The following PAQR5 variants were observed in gnomAD, a reference collection of about 807,000 sequenced individuals.
The protein encoded by PAQR5 is progestin and adipoQ receptor family member 5.
Under a neutral mutation model 34.5 loss-of-function variants are expected in PAQR5, and 20 were observed. The ratio of observed to expected loss-of-function variants is 0.58; its 90% confidence interval spans 0.41 to 0.84. The LOEUF (loss-of-function observed/expected upper bound fraction) is 0.84, where lower values mean the gene tolerates loss of function less well. PAQR5 is among the 40% of genes least tolerant of loss of function. PAQR5 has a pLI of 0.00. For missense variants in PAQR5, 378 were observed against 412.7 expected (o/e 0.92, Z 0.73); for synonymous variants, 131 against 155.6 (o/e 0.84, Z 1.18).
In PAQR5 at chr15:69,404,675, A is replaced by G; in HGVS notation, c.*853A>G. 1 of 339,776 alleles carries G rather than the reference A, an allele frequency of 2.9e-6. No homozygotes were observed. Among genetic ancestry groups the G allele is most frequent in the Non-Finnish European group, 5.3e-6 (1 of 189,622 alleles). The allele number at this position is 339,776 out of a possible 1,614,324, so 21.0% of individuals were successfully genotyped here. ...GGAAATTGCTATATTTGGGGATGTC[A>G]TACATTTGATATTGCTTCAGCATTT... On this transcript the variant is annotated 3_prime_UTR_variant, in exon 9 of 9. Transcript: ENST00000395407.
chr15:69,363,597 A>G (rs1595896515), intron 3 of PAQR5, among the ~76,000 whole-genome samples: 1 of 120,860 alleles, frequency 8.3e-6, no homozygotes, highest in African/African-American at 3.0e-5. Flanking sequence ...CCCAGGCTGG[A>G]GTGCAGTGGC....
At chr15:69,332,970 TA>T (rs1176266856) in intron 1 of PAQR5, among the ~76,000 whole-genome samples, 7 of 152,030 alleles carry the variant, frequency 4.6e-5, no homozygotes, top group Non-Finnish European at 1.0e-4. Context: ...TTTAAAAGGA[TA>T]TTTTTTAAAG....
At chr15:69,395,647 GT>G (rs2056402686) in intron 6 of PAQR5, among the ~76,000 whole-genome samples, 1 of 152,184 alleles carries the variant, frequency 6.6e-6, no homozygotes, top group Non-Finnish European at 1.5e-5. Flanking sequence ...GTACACAAAG[GT>G]TAGTGACCTG....
chr15:69,321,882 G>A (rs888207263), intron 1 of PAQR5, among the ~76,000 whole-genome samples: 6 of 152,128 alleles, frequency 3.9e-5, no homozygotes, highest in African/African-American at 1.4e-4. Context: ...AAGACAAGCT[G>A]GGTCTGTCTT....
In PAQR5 at chr15:69,322,750, A is replaced by AGGG. The variant is rs1566997776; in HGVS notation, c.-276-14591_-276-14590insGGG. Among the ~76,000 whole-genome samples, 91 of 40,472 alleles carry AGGG rather than the reference A, an allele frequency of 2.2e-3. 6 individuals carry two copies. The highest frequency in any genetic ancestry group is 9.2e-3 in the East Asian group (10 of 1,090). 26.6% of individuals were successfully genotyped at this position (40,472 alleles called of 152,430 possible). The stretch of plus-strand genomic sequence containing the variant: ...GAAGAAGAAGAAGAAGAAGAAGAAG[A>AGGG]AGAAGAAGAAGAAGAAGAAGAGGGA... On this transcript the variant is annotated intron_variant, in intron 1 of 8. Transcript: ENST00000395407.
chr15:69,303,541 T>C (rs1463184223), intron 1 of PAQR5, among the ~76,000 whole-genome samples: 1 of 150,542 alleles, frequency 6.6e-6, no homozygotes, highest in Admixed American at 6.6e-5. Context: ...GGCAGCCTTT[T>C]AAAATTCCCC....
chr15:69,379,394 C>A, intron 3 of PAQR5: 3 of 984,218 alleles, frequency 3.0e-6, no homozygotes, highest in Non-Finnish European at 3.6e-6. Flanking sequence ...TGGTCCTCAT[C>A]ATCAAAAGCC....
chr15:69,407,753 C>CAATG lies in PAQR5; in HGVS notation c.*3935_*3938dup, dbSNP rs1334549424. ...TACACATGTGTATCAGTAAATCATTCAATGAATAGTTAGTGCTTAGGATGT... is the reference window on the plus strand; with the variant it reads ...TACACATGTGTATCAGTAAATCATTCAATGAATGAATAGTTAGTGCTTAGGATGT... On this transcript the variant is annotated 3_prime_UTR_variant, in exon 9 of 9. Coordinates refer to ENST00000395407, the MANE Select transcript of PAQR5 (RefSeq NM_017705.4). The CAATG allele has an allele frequency of 2.6e-5, 4 of 152,136 alleles. No individual in the cohort carries two copies. The highest frequency in any genetic ancestry group is 1.5e-5 in the Non-Finnish European group (1 of 68,034). The allele number at this position is 152,136 out of a possible 1,614,324, so 9.4% of individuals were successfully genotyped here. A position where few individuals can be genotyped will look rare whatever the true frequency, so the allele number is the denominator to read the frequency against.
At chr15:69,327,156 TTTA>T (rs113422954) in intron 1 of PAQR5, among the ~76,000 whole-genome samples, 2 of 151,416 alleles carry the variant, frequency 1.3e-5, no homozygotes, top group Admixed American at 6.6e-5. Context: ...GGCTAATTTC[TTTA>T]TTATTATTAT....
At chr15:69,339,595 C>G (rs771733073) in intron 2 of PAQR5, among the ~76,000 whole-genome samples, 1 of 152,146 alleles carries the variant, frequency 6.6e-6, no homozygotes, top group Admixed American at 6.5e-5. Flanking sequence ...GCCTCAGCTT[C>G]CCAAGTAACT....
Position 69,379,766 on chromosome 15 carries a change from A to G in PAQR5, c.52-117A>G, listed in dbSNP as rs931477220. On this transcript the variant is annotated intron_variant, in intron 3 of 8. Coordinates refer to ENST00000395407, the MANE Select transcript of PAQR5 (RefSeq NM_017705.4). Reference sequence around the variant, plus strand: ...AGTGAGGGGAACAGCTTAACAGGTTAAGGACTTGGGGTCAAGCGTTCCAGG... The same window carrying G: ...AGTGAGGGGAACAGCTTAACAGGTTGAGGACTTGGGGTCAAGCGTTCCAGG... 2.2e-6 allele frequency: 3 copies of G among 1,346,572 alleles called. No homozygotes were observed. The African/African-American group carries it at 4.4e-5, about 20-fold the overall frequency. The allele number at this position is 1,346,572 out of a possible 1,614,324, so 83.4% of individuals were successfully genotyped here.
At chr15:69,398,135 C>T in intron 7 of PAQR5, among the ~76,000 whole-genome samples, 1 of 152,128 alleles carries the variant, frequency 6.6e-6, no homozygotes. Flanking sequence ...GGGAACATGT[C>T]AAGTGCTGAC....
At position 69,405,404 on chromosome 15, in the gene PAQR5, G is replaced by C. The variant is rs1488282146; in HGVS notation, c.*1582G>C. On this transcript the variant is annotated 3_prime_UTR_variant, in exon 9 of 9. Coordinates refer to ENST00000395407, the MANE Select transcript of PAQR5 (RefSeq NM_017705.4). Reference sequence around the variant, plus strand: ...ATTTATATTGGATGAGAGTGGTCAAGAAATATGATTTCGTTAGTTTTATTA... The same window carrying C: ...ATTTATATTGGATGAGAGTGGTCAACAAATATGATTTCGTTAGTTTTATTA... The C allele has an allele frequency of 6.1e-6, 1 of 163,294 alleles. No individual in the cohort carries two copies. The highest frequency in any genetic ancestry group is 2.4e-5 in the African/African-American group (1 of 41,946). 10.1% of individuals were successfully genotyped at this position (163,294 alleles called of 1,614,324 possible).
chr15:69,360,566 G>A (rs2055205630), intron 3 of PAQR5, among the ~76,000 whole-genome samples: 1 of 152,204 alleles, frequency 6.6e-6, no homozygotes, highest in Admixed American at 6.5e-5. Flanking sequence ...CTGGGGCGAT[G>A]GGGAGGGTTG....
chr15:69,368,295 TGCCTGCCTTGG>T (rs1393630420), intron 3 of PAQR5, among the ~76,000 whole-genome samples: 1 of 152,206 alleles, frequency 6.6e-6, no homozygotes, highest in East Asian at 1.9e-4. Flanking sequence ...ACAGGTGATC[TGCCTGCCTTGG>T]CCTCCCAAAG....
intron 3 of PAQR5, among the ~76,000 whole-genome samples, chr15:69,372,981 C>G (rs73442821): frequency 6.6e-6 from 1 of 152,132 alleles, no homozygotes; most frequent in Non-Finnish European, 1.5e-5. Flanking sequence ...AAAATCTAGG[C>G]TTTGGTGGAT....
At chr15:69,322,685 AGAAGAG>A (rs2054127352) in intron 1 of PAQR5, among the ~76,000 whole-genome samples, 1 of 82,726 alleles carries the variant, frequency 1.2e-5, no homozygotes, top group Admixed American at 1.5e-4. Flanking sequence ...AAGAAGAAGG[AGAAGAG>A]GAAGAAGAAG....
chr15:69,325,122 C>T (rs1044319977), intron 1 of PAQR5, among the ~76,000 whole-genome samples: 2 of 152,160 alleles, frequency 1.3e-5, no homozygotes, highest in Non-Finnish European at 2.9e-5. Flanking sequence ...TGGTCTTGAA[C>T]TCCTGACCTC....
chr15:69,405,994 A>G lies in PAQR5; in HGVS notation c.*2172A>G, dbSNP rs2056745895. On this transcript the variant is annotated 3_prime_UTR_variant, in exon 9 of 9. Coordinates refer to ENST00000395407, the MANE Select transcript of PAQR5 (RefSeq NM_017705.4). ...GAGAAGGGGTTCAAATATATTAATT[A>G]TCATTAAGTATTAAATAATAGGCAT... 6.6e-6 allele frequency: 1 copy of G among 152,232 alleles called. No individual in the cohort carries two copies. The highest frequency in any genetic ancestry group is 1.5e-5 in the Non-Finnish European group (1 of 68,044). 9.4% of individuals were successfully genotyped at this position (152,232 alleles called of 1,614,324 possible). A position where few individuals can be genotyped will look rare whatever the true frequency, so the allele number is the denominator to read the frequency against.
Sources: gnomAD v4.1 joint callset for allele counts (sites outside exome capture counted in the v4.1 genomes callset) on GRCh38, gnomAD v4.1.1 for gene constraint, MANE v1.5 for transcripts, NCBI Gene and HGNC (gene_info 2026-07-23, HGNC 2026-07-21) for gene names.